Variants in FYB2 observed in about 807,000 individuals in gnomAD.
FYB2 encodes the protein FYN binding protein 2.
Under a neutral mutation model 94.1 loss-of-function variants are expected in FYB2, and 103 were observed. That is an observed-to-expected ratio of 1.09 (90% CI 0.93 to 1.29). FYB2 has a LOEUF of 1.29. Among genes scored for constraint, FYB2 ranks in the 50% most tolerant of loss-of-function variants. The pLI is 0.00. For synonymous variants in FYB2, 293 were observed against 287.9 expected, an observed-to-expected ratio of 1.02 and a Z score of -0.18; for missense variants, 896 against 841.5, an observed-to-expected ratio of 1.06 and a Z score of -0.80.
chr1:56,740,262 C>G (rs72668346), intron 13 of FYB2, among the ~76,000 whole-genome samples: 1 of 152,070 alleles, frequency 6.6e-6, no homozygotes, highest in Non-Finnish European at 1.5e-5. Flanking sequence ...CTCATCTCCC[C>G]CTTCCACATA....
chr1:56,800,154 G>T (rs1235076829), intron 1 of FYB2, among the ~76,000 whole-genome samples: 1 of 152,112 alleles, frequency 6.6e-6, no homozygotes, highest in African/African-American at 2.4e-5. Context: ...AAAATCCAAG[G>T]CAAAGAGAAG....
At chr1:56,728,695 G>C (rs1435427153) in intron 15 of FYB2, among the ~76,000 whole-genome samples, 1 of 152,058 alleles carries the variant, frequency 6.6e-6, no homozygotes, top group Non-Finnish European at 1.5e-5. Flanking sequence ...TTCTTGAAGA[G>C]GCTTTCCACT....
chr1:56,818,272 G>A (rs1200300980), intron 1 of FYB2, among the ~76,000 whole-genome samples: 4 of 151,992 alleles, frequency 2.6e-5, no homozygotes, highest in Non-Finnish European at 5.9e-5. Context: ...TATTTGGACT[G>A]GAGTGATTTG....
intron 5 of FYB2, among the ~76,000 whole-genome samples, chr1:56,767,243 A>G (rs1346939273): frequency 2.6e-5 from 4 of 152,224 alleles, no homozygotes; most frequent in Non-Finnish European, 1.5e-5. Context: ...TAGAAATGCA[A>G]TAATCTCTGC....
At chr1:56,743,473 A>C (rs1385088037) in intron 11 of FYB2, among the ~76,000 whole-genome samples, 1 of 152,058 alleles carries the variant, frequency 6.6e-6, no homozygotes, top group Non-Finnish European at 1.5e-5. Flanking sequence ...TAGAAGATTA[A>C]GAGTCAGTGA....
chr1:56,809,511 T>G (rs1455905503), intron 1 of FYB2, among the ~76,000 whole-genome samples: 1 of 152,138 alleles, frequency 6.6e-6, no homozygotes, highest in Non-Finnish European at 1.5e-5. Flanking sequence ...CCTCCATGCT[T>G]TTGCACACAT....
At chr1:56,783,611 G>C (rs1235166522) in intron 4 of FYB2, among the ~76,000 whole-genome samples, 2 of 152,124 alleles carry the variant, frequency 1.3e-5, no homozygotes, top group Admixed American at 1.3e-4. Flanking sequence ...GTGTATCTTA[G>C]ACATACGGTT....
At chr1:56,744,901 T>C (rs1012234069) in intron 9 of FYB2, among the ~76,000 whole-genome samples, 9 of 152,002 alleles carry the variant, frequency 5.9e-5, no homozygotes, top group Middle Eastern at 6.3e-3. Context: ...GTATGGGTAA[T>C]TCATAGCCAT....
intron 13 of FYB2, among the ~76,000 whole-genome samples, chr1:56,739,486 G>C (rs1337014554): frequency 6.6e-6 from 1 of 152,002 alleles, no homozygotes; most frequent in Non-Finnish European, 1.5e-5. Flanking sequence ...TAATCAAAAA[G>C]AACTTCAGGG....
chr1:56,792,910 A>G (rs1646307461), intron 1 of FYB2, 107 bp from the exon 2 acceptor site: 1 of 1,120,228 alleles, frequency 8.9e-7, no homozygotes, highest in Non-Finnish European at 1.3e-6. Flanking sequence ...GTGTGATTAG[A>G]TCTCACTGAT....
At chr1:56,775,701 T>C (rs1382153289) in intron 4 of FYB2, among the ~76,000 whole-genome samples, 1 of 152,172 alleles carries the variant, frequency 6.6e-6, no homozygotes, top group East Asian at 1.9e-4. Flanking sequence ...ACACAGGGGA[T>C]GTACTGGTTG....
intron 1 of FYB2, among the ~76,000 whole-genome samples, chr1:56,810,342 C>A (rs1197719902): frequency 6.6e-6 from 1 of 152,066 alleles, no homozygotes; most frequent in Non-Finnish European, 1.5e-5. Flanking sequence ...GTCTGTACCC[C>A]TTGGCTCTAG....
intron 1 of FYB2, among the ~76,000 whole-genome samples, chr1:56,818,011 A>G (rs1011931820): frequency 1.3e-5 from 2 of 152,138 alleles, no homozygotes; most frequent in African/African-American, 4.8e-5. Context: ...ACCACACTGT[A>G]TTGTCATCAG....
intron 15 of FYB2, among the ~76,000 whole-genome samples, chr1:56,736,759 C>T (rs886671176): frequency 5.9e-5 from 9 of 152,036 alleles, no homozygotes; most frequent in African/African-American, 1.4e-4. Flanking sequence ...TGAATACAGA[C>T]GTTCTGTCAC....
chr1:56,738,007 A>G (rs1405444102), intron 14 of FYB2, among the ~76,000 whole-genome samples: 1 of 152,122 alleles, frequency 6.6e-6, no homozygotes, highest in East Asian at 1.9e-4. Flanking sequence ...CCAGGTAGCC[A>G]CATAGCTAGA....
intron 1 of FYB2, among the ~76,000 whole-genome samples, chr1:56,813,608 G>A (rs943308475): frequency 2.0e-5 from 3 of 152,092 alleles, no homozygotes; most frequent in Admixed American, 2.0e-4. Context: ...TTCAAATAAG[G>A]TCACATTCTG....
chr1:56,810,717 G>T (rs1271465769), intron 1 of FYB2, among the ~76,000 whole-genome samples: 1 of 152,154 alleles, frequency 6.6e-6, no homozygotes, highest in Non-Finnish European at 1.5e-5. Context: ...ATAATTGAAG[G>T]GCAAAATGCA....
Position 56,819,301 on chromosome 1 carries a change from C to T in FYB2, c.-11G>A. 1 of 1,614,202 alleles carries T rather than the reference C, an allele frequency of 6.2e-7. No individual in the cohort carries two copies. The stretch of plus-strand genomic sequence containing the variant: ...CCTTACCCCTTCCATTGCTTTCCTC[C>T]AAGGCAGAGTCAGGGAAACAAGCCC... On this transcript the variant is annotated 5_prime_UTR_variant, in exon 1 of 20. Coordinates refer to ENST00000343433, the MANE Select transcript of FYB2 (RefSeq NM_001004303.5).
chr1:56,793,209 A>G (rs1646315030), intron 1 of FYB2, among the ~76,000 whole-genome samples: 1 of 152,160 alleles, frequency 6.6e-6, no homozygotes, highest in Non-Finnish European at 1.5e-5. Flanking sequence ...GGTCCACCAA[A>G]AGGTGGTGGA....
Sources: gnomAD v4.1 joint callset for allele counts (sites outside exome capture counted in the v4.1 genomes callset) on GRCh38, gnomAD v4.1.1 for gene constraint, MANE v1.5 for transcripts, NCBI Gene and HGNC (gene_info 2026-07-23, HGNC 2026-07-21) for gene names.